Variants in IQCM observed in about 807,000 individuals in gnomAD.
The protein encoded by IQCM is IQ domain-containing protein M.
Under a neutral mutation model 57.6 loss-of-function variants are expected in IQCM, and 45 were observed. The observed-to-expected ratio is 0.78, with a 90% confidence interval of 0.62 to 1.00. The LOEUF is 1.00. Ranked by LOEUF, IQCM falls within the 50% of genes least tolerant of loss-of-function variation. The pLI, the probability that IQCM is intolerant of heterozygous loss-of-function variation, is 0.00. For missense variants in IQCM, 468 were observed against 511.6 expected, an observed-to-expected ratio of 0.91 and a Z score of 0.82; for synonymous variants, 148 against 158.9, an observed-to-expected ratio of 0.93 and a Z score of 0.51.
At chr4:149,540,384 T>A (rs1330207394) in intron 12 of IQCM, among the ~76,000 whole-genome samples, 2 of 151,162 alleles carry the variant, frequency 1.3e-5, no homozygotes, top group Admixed American at 1.3e-4. Context: ...CCACAAGCTA[T>A]GTCACTACCT....
At chr4:149,588,254 A>AT (rs1309705121) in intron 8 of IQCM, among the ~76,000 whole-genome samples, 1 of 151,896 alleles carries the variant, frequency 6.6e-6, no homozygotes, top group Non-Finnish European at 1.5e-5. Context: ...CAACTATATT[A>AT]TAGATCAGAA....
chr4:149,736,531 ACTCTAT>A (rs1338265667), intron 3 of IQCM, among the ~76,000 whole-genome samples: 1 of 151,894 alleles, frequency 6.6e-6, no homozygotes, highest in African/African-American at 2.4e-5. Flanking sequence ...TGTTTTTATA[ACTCTAT>A]CTCTATTAGT....
At chr4:149,534,249 A>G (rs1267197420) in intron 12 of IQCM, among the ~76,000 whole-genome samples, 2 of 152,168 alleles carry the variant, frequency 1.3e-5, no homozygotes, top group Admixed American at 1.3e-4. Context: ...TCTTAATGCT[A>G]GAAAATGCAC....
chr4:149,541,645 C>T (rs557826747), intron 12 of IQCM, among the ~76,000 whole-genome samples: 1 of 152,078 alleles, frequency 6.6e-6, no homozygotes, highest in African/African-American at 2.4e-5. Context: ...TATTCTGCAG[C>T]TTTTAAGATC....
At chr4:149,643,558 A>G (rs1328701768) in intron 7 of IQCM, among the ~76,000 whole-genome samples, 2 of 152,172 alleles carry the variant, frequency 1.3e-5, no homozygotes. Flanking sequence ...AACAATAAAA[A>G]TGAGATCAGG....
At chr4:149,369,321 G>A (rs1193802601) in intron 13 of IQCM, among the ~76,000 whole-genome samples, 1 of 151,794 alleles carries the variant, frequency 6.6e-6, no homozygotes, top group Non-Finnish European at 1.5e-5. Flanking sequence ...TGGGATTATA[G>A]GCATGAGCCA....
intron 5 of IQCM, among the ~76,000 whole-genome samples, chr4:149,730,292 C>T (rs1766338074): frequency 6.6e-6 from 1 of 152,172 alleles, no homozygotes; most frequent in South Asian, 2.1e-4. Context: ...GTGTTACTAC[C>T]TTCATTTAAG....
intron 9 of IQCM, among the ~76,000 whole-genome samples, chr4:149,571,886 T>A (rs959151896): frequency 6.6e-6 from 1 of 152,046 alleles, no homozygotes; most frequent in Non-Finnish European, 1.5e-5. Context: ...GCAAACAACT[T>A]AGCTTCCTCC....
intron 7 of IQCM, among the ~76,000 whole-genome samples, chr4:149,670,500 A>G (rs1469827634): frequency 6.6e-6 from 1 of 152,150 alleles, no homozygotes; most frequent in Non-Finnish European, 1.5e-5. Context: ...CCTGGCCAGA[A>G]CTTCCAACAC....
chr4:149,721,083 A>T (rs1443402080), intron 5 of IQCM, among the ~76,000 whole-genome samples: 1 of 152,176 alleles, frequency 6.6e-6, no homozygotes, highest in Non-Finnish European at 1.5e-5. Context: ...TAGATTCAGC[A>T]TCTACTGATT....
chr4:149,761,688 T>C (rs1422192961), intron 2 of IQCM, among the ~76,000 whole-genome samples: 2 of 152,114 alleles, frequency 1.3e-5, no homozygotes, highest in African/African-American at 2.4e-5. Flanking sequence ...ATAATATCCC[T>C]CATAGTTCCT....
intron 12 of IQCM, among the ~76,000 whole-genome samples, chr4:149,502,180 G>T (rs901701307): frequency 6.6e-6 from 1 of 150,758 alleles, no homozygotes; most frequent in Non-Finnish European, 1.5e-5. Context: ...ACATATATAT[G>T]TATGTATGTA....
At chr4:149,405,800 C>G (rs1009557470) in intron 13 of IQCM, among the ~76,000 whole-genome samples, 1 of 143,178 alleles carries the variant, frequency 7.0e-6, no homozygotes, top group African/African-American at 2.6e-5. Flanking sequence ...ATTTTTCAAC[C>G]CTTTTTAAAT....
intron 12 of IQCM, among the ~76,000 whole-genome samples, chr4:149,481,696 G>GTTTTTTTTTTTTTTTTTTTTTTTT (rs1197852884): frequency 3.9e-4 from 13 of 33,612 alleles, no homozygotes; most frequent in South Asian, 2.8e-3. Flanking sequence ...GATTCTTCCA[G>GTTTTTTTTTTTTTTTTTTTTTTTT]TTTTGTTTTT....
intron 13 of IQCM, among the ~76,000 whole-genome samples, chr4:149,384,026 GA>G (rs1429010831): frequency 2.0e-5 from 3 of 152,152 alleles, no homozygotes; most frequent in Non-Finnish European, 4.4e-5. Flanking sequence ...CTGTGAATGT[GA>G]AAATCATGTA....
At chr4:149,746,814 A>G (rs1767977243) in intron 2 of IQCM, among the ~76,000 whole-genome samples, 1 of 152,190 alleles carries the variant, frequency 6.6e-6, no homozygotes. Context: ...CAAGAAATCA[A>G]CTGCATGGGC....
At chr4:149,600,529 T>C (rs527640250) in intron 8 of IQCM, among the ~76,000 whole-genome samples, 12 of 152,302 alleles carry the variant, frequency 7.9e-5, no homozygotes, top group African/African-American at 2.4e-4. Flanking sequence ...TACTTAGCCA[T>C]CAGCAATTTT....
At position 149,717,704 on chromosome 4, in the gene IQCM, T is replaced by C. The variant is rs183621838; in HGVS notation, c.385+15540A>G. 5.0e-3 allele frequency among the ~76,000 whole-genome samples: 769 copies of C among 152,302 alleles called. 4 individuals carry two copies. The highest frequency in any genetic ancestry group is 6.4e-3 in the Non-Finnish European group (434 of 68,018). On this transcript the variant is annotated intron_variant, in intron 5 of 13. Transcript: ENST00000636793. Reference sequence around the variant, plus strand: ...ATGTTAATGGGTGAGGTTGACCAACTTACACAGAGTATGGCAAAAATAATT... The same window carrying C: ...ATGTTAATGGGTGAGGTTGACCAACCTACACAGAGTATGGCAAAAATAATT...
chr4:149,511,563 AT>A (rs1158602474), intron 12 of IQCM, among the ~76,000 whole-genome samples: 1 of 134,094 alleles, frequency 7.5e-6, no homozygotes, highest in African/African-American at 2.7e-5. Flanking sequence ...AAATAAATAA[AT>A]AAATAAATAT....
Sources: gnomAD v4.1 joint callset for allele counts (sites outside exome capture counted in the v4.1 genomes callset) on GRCh38, gnomAD v4.1.1 for gene constraint, MANE v1.5 for transcripts, NCBI Gene and HGNC (gene_info 2026-07-23, HGNC 2026-07-21) for gene names.